Variants in RCAN2 observed in about 807,000 individuals in gnomAD.
RCAN2 encodes the protein regulator of calcineurin 2.
A neutral mutation model predicts 23.6 loss-of-function variants in RCAN2; 9 were observed. That is an observed-to-expected ratio of 0.38 (90% confidence interval 0.23 to 0.67). The LOEUF (loss-of-function observed/expected upper bound fraction) is 0.67. Among genes scored for constraint, RCAN2 ranks in the 30% least tolerant of loss-of-function variants. The pLI, the probability that RCAN2 is intolerant of heterozygous loss-of-function variation, is 0.51. For synonymous variants in RCAN2, 109 were observed against 115.7 expected, an observed-to-expected ratio of 0.94 and a Z score of 0.37; for missense variants, 273 against 302.3, an observed-to-expected ratio of 0.90 and a Z score of 0.72.
intron 4 of RCAN2, among the ~76,000 whole-genome samples, chr6:46,229,436 T>C (rs1366121636): frequency 1.3e-5 from 2 of 152,224 alleles, no homozygotes; most frequent in Non-Finnish European, 2.9e-5. Flanking sequence ...TCTTTTCACA[T>C]AGTCGCTTAT....
intron 2 of RCAN2, among the ~76,000 whole-genome samples, chr6:46,252,835 AT>A (rs1334765311): frequency 1.3e-4 from 20 of 152,322 alleles, no homozygotes; most frequent in African/African-American, 4.8e-4. Flanking sequence ...AACTGGCCTC[AT>A]CCAAATATGC....
chr6:46,405,377 C>A (rs1766369741), intron 2 of RCAN2, among the ~76,000 whole-genome samples: 1 of 152,122 alleles, frequency 6.6e-6, no homozygotes, highest in Non-Finnish European at 1.5e-5. Context: ...GCTTGGGCAG[C>A]CTGCTTTTAT....
chr6:46,307,348 A>G (rs1415676548), intron 2 of RCAN2, among the ~76,000 whole-genome samples: 2 of 152,134 alleles, frequency 1.3e-5, no homozygotes, highest in Non-Finnish European at 1.5e-5. Context: ...ATGTGCCTCA[A>G]AGATCAGCTA....
intron 4 of RCAN2, among the ~76,000 whole-genome samples, chr6:46,233,249 T>C (rs1765961126): frequency 1.3e-5 from 2 of 152,186 alleles, no homozygotes. Flanking sequence ...TTTCTCAAAT[T>C]TTGTCTTTCC....
At chr6:46,366,042 C>A (rs1765163314) in intron 2 of RCAN2, among the ~76,000 whole-genome samples, 1 of 152,160 alleles carries the variant, frequency 6.6e-6, no homozygotes, top group Non-Finnish European at 1.5e-5. Context: ...CAAGATTATA[C>A]AGCTAGAATG....
At chr6:46,262,063 A>G (rs1561833205) in intron 2 of RCAN2, among the ~76,000 whole-genome samples, 1 of 152,112 alleles carries the variant, frequency 6.6e-6, no homozygotes, top group Non-Finnish European at 1.5e-5. Context: ...TGTCTTTTAG[A>G]CAAACCCATT....
upstream of RCAN2, chr6:46,491,957 C>G (rs1769167624): frequency 6.6e-6 from 1 of 152,306 alleles, no homozygotes; most frequent in South Asian, 2.1e-4. Flanking sequence ...GCTTGGTGGG[C>G]GCTGGCGCCC....
intron 2 of RCAN2, among the ~76,000 whole-genome samples, chr6:46,314,392 A>T (rs1763362828): frequency 6.6e-6 from 1 of 151,622 alleles, no homozygotes; most frequent in Non-Finnish European, 1.5e-5. Flanking sequence ...AAAGAAAAAA[A>T]ACCACAAAAA....
chr6:46,278,479 T>C (rs536185301), intron 2 of RCAN2, among the ~76,000 whole-genome samples: 15 of 152,310 alleles, frequency 9.8e-5, no homozygotes, highest in African/African-American at 3.4e-4. Context: ...TAAAATGTTT[T>C]ATATATTTAC....
chr6:46,281,859 AT>A (rs1767934820), intron 2 of RCAN2, among the ~76,000 whole-genome samples: 3 of 55,506 alleles, frequency 5.4e-5, no homozygotes, highest in South Asian at 4.6e-4. Context: ...ACTAAGGCTT[AT>A]AAGTGGCTAG....
intron 2 of RCAN2, among the ~76,000 whole-genome samples, chr6:46,417,871 T>C (rs1766757915): frequency 6.6e-6 from 1 of 152,220 alleles, no homozygotes; most frequent in African/African-American, 2.4e-5. Flanking sequence ...ATTTTTGCAA[T>C]ACTTAATTGC....
At chr6:46,422,676 G>A (rs1766916697) in intron 2 of RCAN2, among the ~76,000 whole-genome samples, 1 of 152,082 alleles carries the variant, frequency 6.6e-6, no homozygotes, top group Admixed American at 6.5e-5. Flanking sequence ...TAAGAGTAAT[G>A]AGTAAATGTA....
intron 2 of RCAN2, among the ~76,000 whole-genome samples, chr6:46,356,108 A>G (rs1764822232): frequency 6.6e-6 from 1 of 152,214 alleles, no homozygotes. Flanking sequence ...TGGTGAACTT[A>G]CTTTACAAGG....
At chr6:46,313,602 C>G (rs1044762784) in intron 2 of RCAN2, among the ~76,000 whole-genome samples, 1 of 152,218 alleles carries the variant, frequency 6.6e-6, no homozygotes, top group Admixed American at 6.5e-5. Flanking sequence ...TTCCATTATA[C>G]CTTTATAACA....
At chr6:46,301,414 G>A (rs1762899709) in intron 2 of RCAN2, among the ~76,000 whole-genome samples, 1 of 151,976 alleles carries the variant, frequency 6.6e-6, no homozygotes, top group Admixed American at 6.6e-5. Context: ...GAATGATCCT[G>A]GGATAGACAT....
At position 46,418,695 on chromosome 6, in the gene RCAN2, G is replaced by GTATGTATA. The variant is rs1766779999; in HGVS notation, c.225+38056_225+38057insTATACATA. Among the ~76,000 whole-genome samples the GTATGTATA allele has an allele frequency of 2.5e-5, 3 of 121,350 alleles. No individual in the cohort carries two copies. The South Asian group carries it at 8.8e-4, about 36-fold the overall frequency. 79.6% of individuals were successfully genotyped at this position (121,350 alleles called of 152,430 possible). On this transcript the variant is annotated intron_variant, in intron 2 of 4. Transcript: ENST00000371374. Reference sequence around the variant, plus strand: ...AATCATCTCTAAAATATGTGTGTGTGTATATATATATATATATATATATAT... The same window carrying GTATGTATA: ...AATCATCTCTAAAATATGTGTGTGTGTATGTATATATATATATATATATATATATATAT...
chr6:46,268,480 T>G (rs886548693), intron 2 of RCAN2, among the ~76,000 whole-genome samples: 1 of 152,230 alleles, frequency 6.6e-6, no homozygotes, highest in Non-Finnish European at 1.5e-5. Flanking sequence ...CTGGGGTTAT[T>G]TCAGCTGTTT....
chr6:46,399,445 AG>A (rs1020315822), intron 2 of RCAN2, among the ~76,000 whole-genome samples: 1 of 150,654 alleles, frequency 6.6e-6, no homozygotes, highest in African/African-American at 2.4e-5. Context: ...ATCTGTTAAC[AG>A]GGGGAACTGC....
rs190893428 is a variant in RCAN2 at position 46,487,480 on chromosome 6, G to T, written c.-3+3693C>A. On this transcript the variant is annotated intron_variant, in intron 1 of 4. Transcript: ENST00000371374. ...CTTTCTACATGTCGTTTACCCTGGC[G>T]GCAAAGGGTGGGACCTCCATTTCCT... 5.3e-5 allele frequency among the ~76,000 whole-genome samples: 8 copies of T among 152,252 alleles called. 1 individual carries two copies. The East Asian group carries it at 1.5e-3, about 29-fold the overall frequency.
Sources: allele counts gnomAD v4.1 joint callset (sites outside exome capture counted in the v4.1 genomes callset), GRCh38; gene constraint gnomAD v4.1.1; transcripts MANE v1.5; gene names NCBI Gene and HGNC (gene_info 2026-07-23, HGNC 2026-07-21).